The following CSMD3 variants were observed in gnomAD, a reference collection of about 807,000 sequenced individuals.
CSMD3 encodes CUB and sushi domain-containing protein 3.
In CSMD3, 177 loss-of-function variants were observed where a neutral mutation model predicts 435.2. The ratio of observed to expected loss-of-function variants is 0.41; its 90% CI spans 0.36 to 0.46. The LOEUF (loss-of-function observed/expected upper bound fraction) is 0.46. Among genes scored for constraint, CSMD3 ranks in the 20% least tolerant of loss-of-function variants. The pLI is 0.34. For missense variants in CSMD3, 4,265 were observed against 4,504.6 expected (o/e 0.95, Z 1.52); for synonymous variants, 1,656 against 1,520.5 (o/e 1.09, Z -2.07).
chr8:112,423,866 A>C (rs535092645), intron 32 of CSMD3, among the ~76,000 whole-genome samples: 1 of 152,114 alleles, frequency 6.6e-6, no homozygotes, highest in African/African-American at 2.4e-5. Flanking sequence ...ATATATATAC[A>C]TATGTAAGTA....
At chr8:112,815,505 T>G (rs1355804259) in intron 12 of CSMD3, among the ~76,000 whole-genome samples, 1 of 152,180 alleles carries the variant, frequency 6.6e-6, no homozygotes, top group Admixed American at 6.6e-5. Context: ...CAATCAGGTC[T>G]TGCTTATAAC....
In CSMD3 at chr8:112,931,405, A is replaced by T. The variant is rs147503889; in HGVS notation, c.1509-9654T>A. Among the ~76,000 whole-genome samples the T allele has an allele frequency of 7.9e-5, 12 of 152,152 alleles. No individual in the cohort carries two copies. In the East Asian group the frequency reaches 1.9e-3, roughly 24 times the overall value. ...ACTGGATATCCATTACAGAGGAATG[A>T]AACTAGACCTTTATTTCTCACCATA... On this transcript the variant is annotated intron_variant, in intron 9 of 70. Coordinates refer to ENST00000297405, the MANE Select transcript of CSMD3 (RefSeq NM_198123.2).
chr8:113,286,892 G>C (rs1365310849), intron 2 of CSMD3, among the ~76,000 whole-genome samples: 1 of 151,800 alleles, frequency 6.6e-6, no homozygotes, highest in Admixed American at 6.6e-5. Flanking sequence ...GAAAGGGAGA[G>C]AAAGGGAAGC....
At position 113,272,751 on chromosome 8, in the gene CSMD3, A is replaced by G. The variant is rs1588419994; in HGVS notation, c.514+5841T>C. Among the ~76,000 whole-genome samples, 4 of 152,276 alleles carry G rather than the reference A, an allele frequency of 2.6e-5. No individual in the cohort carries two copies. In the South Asian group the frequency reaches 8.3e-4, roughly 32 times the overall value. On this transcript the variant is annotated intron_variant, in intron 3 of 70. Transcript: ENST00000297405. ...ATATTTTATTGAAATAATATCTAATACGGAACATATTTCCACAAATCTGGA... is the reference window on the plus strand; with the variant it reads ...ATATTTTATTGAAATAATATCTAATGCGGAACATATTTCCACAAATCTGGA...
Position 113,123,136 on chromosome 8 carries a change from G to A in CSMD3, c.710-24173C>T, listed in dbSNP as rs563321586. 4.6e-5 allele frequency among the ~76,000 whole-genome samples: 7 copies of A among 152,162 alleles called. No individual in the cohort carries two copies. The South Asian group carries it at 1.4e-3, about 32-fold the overall frequency. The stretch of plus-strand genomic sequence containing the variant: ...GATTGAAAATATAATTCCAAGGTAT[G>A]GTTAGTGGCCTCTGTAGGTAATAAC... On this transcript the variant is annotated intron_variant, in intron 4 of 70. Coordinates refer to ENST00000297405, the MANE Select transcript of CSMD3 (RefSeq NM_198123.2).
intron 2 of CSMD3, among the ~76,000 whole-genome samples, chr8:113,295,408 C>T (rs148394895): frequency 1.5e-3 from 235 of 152,158 alleles, no homozygotes; most frequent in African/African-American, 5.5e-3. Context: ...GAAGAAAAGA[C>T]AGACATTTAG....
At chr8:112,473,310 G>A (rs1818709685) in intron 31 of CSMD3, among the ~76,000 whole-genome samples, 1 of 151,790 alleles carries the variant, frequency 6.6e-6, no homozygotes. Flanking sequence ...CTGATAAACT[G>A]TATATGGGGG....
intron 65 of CSMD3, among the ~76,000 whole-genome samples, chr8:112,243,454 C>A (rs1256259736): frequency 1.3e-5 from 2 of 152,162 alleles, no homozygotes; most frequent in Admixed American, 6.6e-5. Context: ...GCATTATAAC[C>A]CTTTTCCAAA....
chr8:113,265,132 A>C (rs577385232), intron 3 of CSMD3, among the ~76,000 whole-genome samples: 1 of 151,758 alleles, frequency 6.6e-6, no homozygotes, highest in African/African-American at 2.4e-5. Context: ...TTTAATATGC[A>C]TGCTAGAATT....
intron 15 of CSMD3, among the ~76,000 whole-genome samples, chr8:112,685,062 A>G (rs999376600): frequency 1.3e-5 from 2 of 152,224 alleles, no homozygotes; most frequent in Non-Finnish European, 2.9e-5. Context: ...TATGTTGCAT[A>G]CAAATAACAA....
chr8:112,734,756 A>G (rs536867857), intron 13 of CSMD3, among the ~76,000 whole-genome samples: 3 of 151,990 alleles, frequency 2.0e-5, no homozygotes, highest in East Asian at 3.9e-4. Context: ...TTAACTGTAA[A>G]TGTGAATAAG....
At chr8:113,419,449 G>C (rs1465885558) in intron 1 of CSMD3, among the ~76,000 whole-genome samples, 1 of 151,948 alleles carries the variant, frequency 6.6e-6, no homozygotes, top group East Asian at 1.9e-4. Context: ...CTACACGGAG[G>C]CATAATATAT....
chr8:113,321,127 C>T lies in CSMD3; in HGVS notation c.179-6334G>A, dbSNP rs1222886498. 3.3e-5 allele frequency among the ~76,000 whole-genome samples: 5 copies of T among 152,078 alleles called. No individual in the cohort carries two copies. In the East Asian group the frequency reaches 9.6e-4, roughly 29 times the overall value. On this transcript the variant is annotated intron_variant, in intron 1 of 70. Coordinates refer to ENST00000297405, the MANE Select transcript of CSMD3 (RefSeq NM_198123.2). Reference sequence around the variant, plus strand: ...TCCTGCTAGGCTTTCTGCATTTGCCCATCTACTCAGGTCCCCACATTGCTG... The same window carrying T: ...TCCTGCTAGGCTTTCTGCATTTGCCTATCTACTCAGGTCCCCACATTGCTG...
chr8:112,561,079 G>A (rs895927398), intron 24 of CSMD3, among the ~76,000 whole-genome samples: 1 of 151,612 alleles, frequency 6.6e-6, no homozygotes, highest in African/African-American at 2.4e-5. Context: ...AATGCACATG[G>A]ACAATAGTAT....
chr8:113,270,138 A>T (rs2093508840), intron 3 of CSMD3, among the ~76,000 whole-genome samples: 1 of 152,190 alleles, frequency 6.6e-6, no homozygotes, highest in African/African-American at 2.4e-5. Flanking sequence ...CCCCATCAAT[A>T]AGTGGGTGAG....
At chr8:113,409,271 G>C (rs1377928908) in intron 1 of CSMD3, among the ~76,000 whole-genome samples, 3 of 151,382 alleles carry the variant, frequency 2.0e-5, no homozygotes, top group Non-Finnish European at 4.4e-5. Context: ...TTTTAGTAGA[G>C]ACAGGGTTTC....
chr8:112,972,472 G>A (rs991094501), intron 7 of CSMD3, among the ~76,000 whole-genome samples: 1 of 151,556 alleles, frequency 6.6e-6, no homozygotes. Flanking sequence ...AGGGCTAAAA[G>A]CAAGGCCTTT....
chr8:112,611,333 A>G (rs1474009377), intron 22 of CSMD3, among the ~76,000 whole-genome samples: 1 of 152,142 alleles, frequency 6.6e-6, no homozygotes, highest in Admixed American at 6.6e-5. Context: ...CATGGAGAAT[A>G]TTTACATTCT....
At chr8:112,406,766 T>C in intron 34 of CSMD3, 39 bp from the exon 35 acceptor site, 4 of 1,289,946 alleles carry the variant, frequency 3.1e-6, no homozygotes, top group Non-Finnish European at 4.4e-6. Context: ...TTTTATATGG[T>C]AGACAAATAC....
Sources: allele counts gnomAD v4.1 joint callset (sites outside exome capture counted in the v4.1 genomes callset), GRCh38; gene constraint gnomAD v4.1.1; transcripts MANE v1.5; gene names NCBI Gene and HGNC (gene_info 2026-07-23, HGNC 2026-07-21).